Variants in PPARGC1A observed in about 807,000 individuals in gnomAD.
PPARGC1A encodes PPARG coactivator 1 alpha, also known as peroxisome proliferator-activated receptor gamma coactivator 1-alpha.
PPARGC1A carries 25 observed loss-of-function variants against 88.7 expected under a neutral mutation model. That is an observed-to-expected ratio of 0.28 (90% CI 0.21 to 0.39). PPARGC1A has a LOEUF of 0.39. PPARGC1A is among the 10% of genes least tolerant of loss of function. The pLI, the probability that PPARGC1A is intolerant of heterozygous loss-of-function variation, is 1.00. For synonymous variants in PPARGC1A, 363 were observed against 355.6 expected (o/e 1.02, Z -0.24); for missense variants, 880 against 968.7 (o/e 0.91, Z 1.22).
chr4:24,177,209 A>G, the PPARGC1A span, among the ~76,000 whole-genome samples: 1 of 152,232 alleles, frequency 6.6e-6, no homozygotes, highest in Non-Finnish European at 1.5e-5. Flanking sequence ...AAAGACTTGG[A>G]ACCAACCCAA....
At chr4:24,065,422 G>A in the PPARGC1A span, among the ~76,000 whole-genome samples, 7 of 152,194 alleles carry the variant, frequency 4.6e-5, no homozygotes, top group Non-Finnish European at 8.8e-5. Context: ...TCACTCAGGT[G>A]GAGAAGTGAT....
At chr4:24,414,016 C>A in the PPARGC1A span, among the ~76,000 whole-genome samples, 1 of 152,134 alleles carries the variant, frequency 6.6e-6, no homozygotes, top group Admixed American at 6.5e-5. Flanking sequence ...CTCGAACCCA[C>A]GGTTGTCGGT....
At chr4:24,104,539 C>T in the PPARGC1A span, among the ~76,000 whole-genome samples, 7 of 152,114 alleles carry the variant, frequency 4.6e-5, no homozygotes, top group African/African-American at 1.7e-4. Flanking sequence ...AAGGATGGAC[C>T]GTCCTTGTTA....
the PPARGC1A span, among the ~76,000 whole-genome samples, chr4:24,158,493 C>T: frequency 6.6e-6 from 1 of 152,176 alleles, no homozygotes; most frequent in African/African-American, 2.4e-5. Flanking sequence ...TTTAAAATCG[C>T]TCACTTCCCT....
At chr4:24,357,428 G>A in the PPARGC1A span, among the ~76,000 whole-genome samples, 6 of 152,282 alleles carry the variant, frequency 3.9e-5, no homozygotes, top group South Asian at 1.2e-3. Context: ...TTTAATCAAA[G>A]CATTCAAGTA....
rs374038573 is a variant in PPARGC1A, at chr4:23,802,322, G to A, written c.2043C>T (p.Val681=). Residue 681 remains valine (V), a synonymous_variant, in exon 11 of 13, where the codon GTC becomes GTT. Transcript: ENST00000264867. The part of the protein sequence containing the change: ...KAIEERRVIY[V]GKIRPDTTRT... ...GTGTTGTGTCAGGTCTGATTTTACC[G>A]ACATAAATCACACGGCGCTCTTCCT... 38 of 1,613,162 alleles carry A rather than the reference G, an allele frequency of 2.4e-5. No homozygotes were observed. The highest frequency in any genetic ancestry group is 1.1e-4 in the East Asian group (5 of 44,768).
the PPARGC1A span, among the ~76,000 whole-genome samples, chr4:23,918,164 C>T: frequency 1.3e-5 from 2 of 152,124 alleles, no homozygotes; most frequent in South Asian, 4.1e-4. Flanking sequence ...CTACCAGGCA[C>T]TGCAATAAGT....
the PPARGC1A span, among the ~76,000 whole-genome samples, chr4:24,389,838 C>T: frequency 1.4e-4 from 22 of 152,074 alleles, no homozygotes; most frequent in Non-Finnish European, 2.8e-4. Context: ...CAGGATTCCC[C>T]ACTATAGAGA....
At chr4:23,942,746 C>T in the PPARGC1A span, among the ~76,000 whole-genome samples, 1 of 152,270 alleles carries the variant, frequency 6.6e-6, no homozygotes, top group South Asian at 2.1e-4. Flanking sequence ...GGCAAATTTC[C>T]TCAGTAAAGA....
the PPARGC1A span, among the ~76,000 whole-genome samples, chr4:24,451,253 A>G: frequency 0.016 from 2,392 of 152,338 alleles, 67 homozygotes; most frequent in African/African-American, 0.055. Flanking sequence ...GTTCACCATC[A>G]AATAAGAATT....
chr4:23,804,063 G>A (rs995721276), intron 10 of PPARGC1A, among the ~76,000 whole-genome samples: 5 of 152,016 alleles, frequency 3.3e-5, no homozygotes, highest in African/African-American at 9.7e-5. Context: ...TAACATGCTC[G>A]CCTCTATTTT....
the PPARGC1A span, among the ~76,000 whole-genome samples, chr4:24,091,238 C>G: frequency 1.3e-5 from 2 of 152,146 alleles, no homozygotes; most frequent in Non-Finnish European, 2.9e-5. Context: ...TTTAGCAACA[C>G]CTATAGATTT....
chr4:23,795,964 C>T, intron 12 of PPARGC1A, 39 bp from the exon 13 acceptor site: 1 of 1,392,752 alleles, frequency 7.2e-7, no homozygotes, highest in Non-Finnish European at 1.0e-6. Context: ...ACACACTTTG[C>T]TGATGGCCAT....
the PPARGC1A span, among the ~76,000 whole-genome samples, chr4:24,265,644 A>G: frequency 6.6e-6 from 1 of 152,174 alleles, no homozygotes; most frequent in African/African-American, 2.4e-5. Context: ...GATTAGTCCA[A>G]AAATTGCTTA....
chr4:24,059,466 G>A, the PPARGC1A span, among the ~76,000 whole-genome samples: 1 of 152,158 alleles, frequency 6.6e-6, no homozygotes, highest in Admixed American at 6.5e-5. Flanking sequence ...AAAGAAGTGA[G>A]CGCTTTTCAA....
At position 23,802,328 on chromosome 4, in the gene PPARGC1A, A is replaced by G; in HGVS notation, c.2037T>C (p.Ile679=). The change falls in exon 11 of 13, where the codon ATT becomes ATC. Residue 679 remains isoleucine (I), a synonymous_variant. Transcript: ENST00000264867. Reference sequence around the variant, plus strand: ...TGTCAGGTCTGATTTTACCGACATAAATCACACGGCGCTCTTCCTATGGGG... The same window carrying G: ...TGTCAGGTCTGATTTTACCGACATAGATCACACGGCGCTCTTCCTATGGGG... ...RQKAIEERRV[I]YVGKIRPDTT... The G allele has an allele frequency of 6.2e-7, 1 of 1,613,488 alleles. No homozygotes were observed.
the PPARGC1A span, among the ~76,000 whole-genome samples, chr4:24,442,850 T>C: frequency 7.2e-5 from 11 of 152,332 alleles, no homozygotes; most frequent in Admixed American, 5.9e-4. Flanking sequence ...TTTCCAATTA[T>C]GGTGGTGAAC....
At chr4:23,810,523 C>T (rs1421345727) in intron 10 of PPARGC1A, among the ~76,000 whole-genome samples, 7 of 151,980 alleles carry the variant, frequency 4.6e-5, no homozygotes, top group East Asian at 1.9e-4. Flanking sequence ...TGTAAAGGGC[C>T]GAACTAGCAA....
the PPARGC1A span, among the ~76,000 whole-genome samples, chr4:24,247,456 T>A: frequency 6.6e-6 from 1 of 152,140 alleles, no homozygotes; most frequent in Non-Finnish European, 1.5e-5. Context: ...AATTATCCCT[T>A]TGGTTTTCTA....
Sources: gnomAD v4.1 joint callset for allele counts (sites outside exome capture counted in the v4.1 genomes callset) on GRCh38, gnomAD v4.1.1 for gene constraint, MANE v1.5 for transcripts, NCBI Gene and HGNC (gene_info 2026-07-23, HGNC 2026-07-21) for gene names.